Variants in NLRP7 observed in about 807,000 individuals in gnomAD.
The protein encoded by NLRP7 is NLR family pyrin domain containing 7, also known as NACHT, LRR and PYD domains-containing protein 7.
NLRP7 carries 72 observed loss-of-function variants against 85.5 expected under a neutral mutation model. That is an observed-to-expected ratio of 0.84 (90% CI 0.70 to 1.02). The LOEUF is 1.02. NLRP7 is among the 50% of genes least tolerant of loss of function. The pLI is 0.00. For synonymous variants in NLRP7, 550 were observed against 505.2 expected (o/e 1.09, Z -1.19); for missense variants, 1,243 against 1,219.5 (o/e 1.02, Z -0.29).
rs2146228463 is a variant in NLRP7, at chr19:54,941,427, C to G, written c.277+8G>C. 1 of 1,277,804 alleles carries G rather than the reference C, an allele frequency of 7.8e-7. No individual in the cohort carries two copies. Among genetic ancestry groups the G allele is most frequent in the Non-Finnish European group, 1.1e-6 (1 of 877,348 alleles). The allele number at this position is 1,277,804 out of a possible 1,614,324, so 79.2% of individuals were successfully genotyped here. A position where few individuals can be genotyped will look rare whatever the true frequency, so the allele number is the denominator to read the frequency against. On this transcript the variant is annotated splice_region_variant and intron_variant, in intron 2 of 9. Coordinates refer to ENST00000340844, the Ensembl canonical transcript of NLRP7. ...AAAAATGACCAGGACACCCCAGGTT[C>G]TACTTACCCATCATCTCAGCCTTTG...
intron 8 of NLRP7, among the ~76,000 whole-genome samples, chr19:54,931,685 CA>C (rs67176965): frequency 0.028 from 3,628 of 129,602 alleles, 147 homozygotes; most frequent in African/African-American, 0.092. Flanking sequence ...AACTCCATCT[CA>C]AAAAAAAAAA....
At chr19:54,947,775 A>C (rs2069539158), upstream of NLRP7, 1 of 611,150 alleles carries the variant, frequency 1.6e-6, no homozygotes, top group Admixed American at 2.5e-5. Context: ...CACCCGGGCC[A>C]GGTGTGATAG....
intron 1 of NLRP7, among the ~76,000 whole-genome samples, chr19:54,961,295 G>A (rs983618237): frequency 2.0e-5 from 3 of 151,800 alleles, no homozygotes; most frequent in African/African-American, 4.8e-5. Flanking sequence ...TGGATCACCC[G>A]AGGTCAGGAG....
chr19:54,957,844 C>A (rs12460693), intron 1 of NLRP7, among the ~76,000 whole-genome samples: 24,086 of 152,124 alleles, frequency 0.16, 2,084 homozygotes, highest in East Asian at 0.37. Flanking sequence ...TTTCTCTCCT[C>A]CACACTGGAG....
chr19:54,926,926 A>G (rs2068467184), intron 9 of NLRP7, among the ~76,000 whole-genome samples: 1 of 147,630 alleles, frequency 6.8e-6, no homozygotes, highest in Non-Finnish European at 1.5e-5. Flanking sequence ...TAAAAAAAAA[A>G]AAAAAAAAAA....
chr19:54,929,530 G>A (rs1255108066), intron 9 of NLRP7, among the ~76,000 whole-genome samples: 1 of 152,146 alleles, frequency 6.6e-6, no homozygotes, highest in East Asian at 1.9e-4. Context: ...GGAGAGAAGT[G>A]ATGAAGAGCT....
intron 1 of NLRP7, among the ~76,000 whole-genome samples, chr19:54,962,655 A>T (rs1366189320): frequency 6.6e-6 from 1 of 150,594 alleles, no homozygotes; most frequent in Admixed American, 6.7e-5. Context: ...GCTGGAGTGC[A>T]GTGGCGCGAT....
intron 1 of NLRP7, among the ~76,000 whole-genome samples, chr19:54,960,344 C>T (rs1478158694): frequency 2.6e-5 from 4 of 151,546 alleles, no homozygotes; most frequent in East Asian, 3.9e-4. Flanking sequence ...TTAGTAGAGA[C>T]GGGATTTCAC....
At position 54,934,720 on chromosome 19, in the gene NLRP7, T is replaced by C; in HGVS notation, c.2301-61A>G. ...GGACAGAGTATACCCTATCAGCTTT[T>C]TTTTTTTGAGACAGAGTTTCACTCT... On this transcript the variant is annotated intron_variant, in intron 6 of 9. Coordinates refer to ENST00000340844, the Ensembl canonical transcript of NLRP7. The surrounding 1 kb of genome is among the most constrained non-coding windows in gnomAD (Gnocchi z 6.7). 7.1e-7 allele frequency: 1 copy of C among 1,401,034 alleles called. No homozygotes were observed. Among genetic ancestry groups the C allele is most frequent in the South Asian group, 1.3e-5 (1 of 74,126 alleles). 86.8% of individuals were successfully genotyped at this position (1,401,034 alleles called of 1,614,324 possible). A position where few individuals can be genotyped will look rare whatever the true frequency, so the allele number is the denominator to read the frequency against.
rs536060023 is a variant in NLRP7 at position 54,938,188 on chromosome 19, C to G, written c.1985G>C (p.Arg662Pro). 6.2e-6 allele frequency: 10 copies of G among 1,613,804 alleles called. No individual in the cohort carries two copies. In the South Asian group the frequency reaches 6.6e-5, roughly 11 times the overall value. The change falls in exon 5 of 10, where the codon CGC becomes CCC. Residue 662 changes from arginine (R) to proline (P), a missense_variant. Around this residue, in one of 3 missense-constraint regions of NLRP7, gnomAD observed 613 missense variants for 588.4 expected, o/e 1.04. Transcript: ENST00000340844. ...GAGAGAGCAGAAATCTGTCCAGAGG[C>G]GAAGAGAGCGAAGATCCTGCCGAGC...
intron 1 of NLRP7, among the ~76,000 whole-genome samples, chr19:54,942,545 G>A (rs778829321): frequency 8.7e-4 from 128 of 147,530 alleles, no homozygotes; most frequent in Non-Finnish European, 9.5e-4. Flanking sequence ...CCAACACGGC[G>A]AAACCCCATC....
intron 8 of NLRP7, among the ~76,000 whole-genome samples, chr19:54,932,889 A>C (rs1602135494): frequency 6.6e-6 from 1 of 151,986 alleles, no homozygotes; most frequent in East Asian, 1.9e-4. Context: ...ACCTTAGGTG[A>C]TCTGCCCACC....
chr19:54,944,839 T>C (rs2069395304), intron 1 of NLRP7, among the ~76,000 whole-genome samples: 1 of 152,130 alleles, frequency 6.6e-6, no homozygotes, highest in Admixed American at 6.6e-5. Context: ...AGCGATGTTA[T>C]ATATACAGTG....
chr19:54,946,504 T>G (rs2146252709), intron 1 of NLRP7, among the ~76,000 whole-genome samples: 1 of 151,916 alleles, frequency 6.6e-6, no homozygotes, highest in East Asian at 1.9e-4. Flanking sequence ...CTACTTTTTT[T>G]TTTTTTTAAA....
chr19:54,934,340 T>G lies in NLRP7; in HGVS notation c.2471+149A>C, dbSNP rs1306512639. On this transcript the variant is annotated intron_variant, in intron 7 of 9. Coordinates refer to ENST00000340844, the Ensembl canonical transcript of NLRP7. The surrounding 1 kb of genome is among the most constrained non-coding windows in gnomAD (Gnocchi z 6.7). Reference sequence around the variant, plus strand: ...GATCCGCCCACCTCTCTGCTGAGATTACAGGCAGGAGCCACCGTGCCGGGC... The same window carrying G: ...GATCCGCCCACCTCTCTGCTGAGATGACAGGCAGGAGCCACCGTGCCGGGC... The G allele has an allele frequency of 1.2e-6, 1 of 815,240 alleles. No individual in the cohort carries two copies. The highest frequency in any genetic ancestry group is 2.4e-5 in the East Asian group (1 of 41,212). 50.5% of individuals were successfully genotyped at this position (815,240 alleles called of 1,614,324 possible).
chr19:54,959,878 T>C (rs2069981061), intron 1 of NLRP7, among the ~76,000 whole-genome samples: 1 of 151,868 alleles, frequency 6.6e-6, no homozygotes, highest in African/African-American at 2.4e-5. Context: ...TTCCCAGCCA[T>C]GCAACCCTGG....
At chr19:54,938,621 G>A (rs886162245) in intron 4 of NLRP7, among the ~76,000 whole-genome samples, 1 of 152,176 alleles carries the variant, frequency 6.6e-6, no homozygotes, top group Non-Finnish European at 1.5e-5. Context: ...AGCTACTCGG[G>A]AGGCTGAGGC....
chr19:54,958,645 A>AAAT (rs199572658), intron 1 of NLRP7, among the ~76,000 whole-genome samples: 15,325 of 151,216 alleles, frequency 0.1, 992 homozygotes, highest in African/African-American at 0.17. Context: ...ACTCTGTCTC[A>AAAT]AATAATAATA....
chr19:54,956,532 A>G lies in NLRP7; in HGVS notation c.-76-9027T>C, dbSNP rs901801487. ...TGGCAAAACCCCATCTCTACTAAAA[A>G]AAAATACAAAAATTAGCTGGGCGCG... On this transcript the variant is annotated intron_variant, in intron 1 of 2. Coordinates refer to the NLRP7 transcript ENST00000587103. 3.3e-5 allele frequency among the ~76,000 whole-genome samples: 5 copies of G among 151,394 alleles called. No homozygotes were observed. The East Asian group carries it at 7.8e-4, about 24-fold the overall frequency.
Sources: gnomAD v4.1 joint callset for allele counts (sites outside exome capture counted in the v4.1 genomes callset) on GRCh38, gnomAD v4.1.1 for gene constraint, gnomAD v4.1.1 regional missense constraint, Gnocchi (gnomAD v3.1) non-coding constraint, MANE v1.5 for transcripts, NCBI Gene and HGNC (gene_info 2026-07-23, HGNC 2026-07-21) for gene names.